ANO3: variants seen among roughly 807,000 people sequenced by gnomAD.
ANO3 encodes the protein anoctamin 3.
In ANO3, 99 loss-of-function variants were observed where a neutral mutation model predicts 144.8. The ratio of observed to expected loss-of-function variants is 0.68; its 90% CI spans 0.58 to 0.81. The LOEUF is 0.81. Among genes scored for constraint, ANO3 ranks in the 30% least tolerant of loss-of-function variants. The pLI is 0.00. For synonymous variants in ANO3, 414 were observed against 392.6 expected, an observed-to-expected ratio of 1.05 and a Z score of -0.64; for missense variants, 905 against 1,202.2, an observed-to-expected ratio of 0.75 and a Z score of 3.66.
intron 1 of ANO3, among the ~76,000 whole-genome samples, chr11:26,348,036 A>G (rs557206335): frequency 6.6e-6 from 1 of 152,094 alleles, no homozygotes; most frequent in Non-Finnish European, 1.5e-5. Context: ...CCACCTCAAA[A>G]AATTTCACTC....
intron 17 of ANO3, 110 bp from the exon 18 acceptor site, chr11:26,624,352 A>C: frequency 1.4e-6 from 1 of 710,970 alleles, no homozygotes; most frequent in South Asian, 2.2e-5. Flanking sequence ...TTTAAAGTAA[A>C]ATGTAACCAC....
At chr11:26,251,177 A>C (rs949822916) in intron 1 of ANO3, among the ~76,000 whole-genome samples, 8 of 152,336 alleles carry the variant, frequency 5.3e-5, no homozygotes, top group Admixed American at 3.3e-4. Flanking sequence ...GGGGGACTGT[A>C]TTTATAAAAC....
intron 1 of ANO3, among the ~76,000 whole-genome samples, chr11:26,225,656 A>T (rs1852242887): frequency 1.3e-5 from 2 of 152,258 alleles, no homozygotes; most frequent in East Asian, 3.9e-4. Context: ...GGTAACATAT[A>T]ATTTTTAGGA....
chr11:26,483,335 T>C (rs991060774), intron 4 of ANO3, among the ~76,000 whole-genome samples: 1 of 152,178 alleles, frequency 6.6e-6, no homozygotes, highest in Non-Finnish European at 1.5e-5. Context: ...TGGTTTGGAT[T>C]TGTGTTCCCA....
chr11:26,659,586 A>G (rs977021812), intron 26 of ANO3, among the ~76,000 whole-genome samples: 2 of 152,034 alleles, frequency 1.3e-5, no homozygotes, highest in African/African-American at 2.4e-5. Context: ...ACTCCCAGCT[A>G]CTTGGGAGTC....
At chr11:26,615,660 C>T (rs913805147) in intron 17 of ANO3, among the ~76,000 whole-genome samples, 6 of 151,998 alleles carry the variant, frequency 3.9e-5, no homozygotes, top group Admixed American at 6.6e-5. Context: ...TCTACACTTG[C>T]TTCCCTTCGA....
intron 4 of ANO3, among the ~76,000 whole-genome samples, chr11:26,506,037 G>C (rs1012028342): frequency 1.3e-5 from 2 of 148,672 alleles, no homozygotes; most frequent in Non-Finnish European, 3.0e-5. Context: ...TTGATAACTG[G>C]ATACAGCAAT....
chr11:26,192,400 G>A (rs1851495028), intron 1 of ANO3, among the ~76,000 whole-genome samples: 1 of 152,080 alleles, frequency 6.6e-6, no homozygotes, highest in Admixed American at 6.6e-5. Context: ...CAGTGGTGTG[G>A]CAGTATGTTC....
At chr11:26,303,924 T>C (rs750277011) in intron 1 of ANO3, among the ~76,000 whole-genome samples, 1 of 152,212 alleles carries the variant, frequency 6.6e-6, no homozygotes, top group African/African-American at 2.4e-5. Flanking sequence ...TTCACCACTT[T>C]GGCGGGTCTC....
chr11:26,556,463 GA>G (rs562223349), intron 13 of ANO3, among the ~76,000 whole-genome samples: 3,421 of 142,434 alleles, frequency 0.024, 116 homozygotes, highest in African/African-American at 0.078. Context: ...GAAACTTCAT[GA>G]AAAAAAAAAA....
intron 1 of ANO3, among the ~76,000 whole-genome samples, chr11:26,249,116 C>G (rs1852867305): frequency 6.6e-6 from 1 of 152,054 alleles, no homozygotes; most frequent in Non-Finnish European, 1.5e-5. Context: ...CTGACCATAG[C>G]TTATATTTGC....
intron 1 of ANO3, among the ~76,000 whole-genome samples, chr11:26,354,538 G>A (rs1007523251): frequency 1.1e-4 from 17 of 152,132 alleles, no homozygotes; most frequent in Admixed American, 7.2e-4. Flanking sequence ...AAACCTTCCA[G>A]TATATCCTGT....
intron 1 of ANO3, among the ~76,000 whole-genome samples, chr11:26,397,322 C>T (rs1170105283): frequency 6.6e-6 from 1 of 151,962 alleles, no homozygotes; most frequent in Non-Finnish European, 1.5e-5. Flanking sequence ...AACCTCATAG[C>T]CTAGGCTTTA....
chr11:26,578,201 T>C (rs1851039938), intron 14 of ANO3, among the ~76,000 whole-genome samples: 1 of 152,144 alleles, frequency 6.6e-6, no homozygotes, highest in African/African-American at 2.4e-5. Flanking sequence ...AAAATCTTCA[T>C]AGATGTTAGG....
At chr11:26,541,665 A>C (rs1348478114) in intron 10 of ANO3, among the ~76,000 whole-genome samples, 1 of 152,124 alleles carries the variant, frequency 6.6e-6, no homozygotes, top group African/African-American at 2.4e-5. Flanking sequence ...AAGACCTTAA[A>C]TTCCAAACAG....
intron 1 of ANO3, among the ~76,000 whole-genome samples, chr11:26,261,747 A>G (rs368582371): frequency 3.3e-5 from 5 of 152,348 alleles, no homozygotes; most frequent in African/African-American, 1.2e-4. Context: ...AAGAACAAAG[A>G]GTGAATATAT....
chr11:26,347,925 C>G (rs1348762090), intron 1 of ANO3, among the ~76,000 whole-genome samples: 1 of 152,112 alleles, frequency 6.6e-6, no homozygotes, highest in African/African-American at 2.4e-5. Context: ...CCCAAGAGGC[C>G]CTGGTTATGA....
intron 1 of ANO3, among the ~76,000 whole-genome samples, chr11:26,278,120 C>T (rs184667003): frequency 1.1e-4 from 17 of 152,148 alleles, no homozygotes; most frequent in South Asian, 4.1e-4. Context: ...TGTGTGTGCC[C>T]GTGTGCTTCC....
intron 1 of ANO3, among the ~76,000 whole-genome samples, chr11:26,416,401 T>C (rs1382214972): frequency 6.6e-6 from 1 of 151,922 alleles, no homozygotes; most frequent in Admixed American, 6.6e-5. Context: ...GCTTCAGTGT[T>C]TTCCTGTTTT....
Sources: gnomAD v4.1 joint callset for allele counts (sites outside exome capture counted in the v4.1 genomes callset) on GRCh38, gnomAD v4.1.1 for gene constraint, MANE v1.5 for transcripts, NCBI Gene and HGNC (gene_info 2026-07-23, HGNC 2026-07-21) for gene names.